The following DPP10 variants were observed in gnomAD, a reference collection of about 807,000 sequenced individuals.
DPP10 encodes inactive dipeptidyl peptidase 10.
A neutral mutation model predicts 120.9 loss-of-function variants in DPP10; 33 were observed. The ratio of observed to expected loss-of-function variants is 0.27; its 90% CI spans 0.21 to 0.37. DPP10 has a LOEUF of 0.37. Ranked by LOEUF, DPP10 falls within the 10% of genes least tolerant of loss-of-function variation. DPP10 has a pLI of 1.00. For synonymous variants in DPP10, 337 were observed against 326.1 expected (o/e 1.03, Z -0.36); for missense variants, 816 against 942.8 (o/e 0.87, Z 1.76).
chr2:114,730,818 G>A (rs889886420), intron 1 of DPP10, among the ~76,000 whole-genome samples: 1 of 151,876 alleles, frequency 6.6e-6, no homozygotes, highest in African/African-American at 2.4e-5. Context: ...TTGAGCTCCT[G>A]ATCTCAGGCA....
chr2:115,438,412 T>G (rs2071700939), intron 3 of DPP10, among the ~76,000 whole-genome samples: 1 of 152,110 alleles, frequency 6.6e-6, no homozygotes, highest in Admixed American at 6.6e-5. Context: ...AAACAAAGAC[T>G]TGTACATATA....
intron 1 of DPP10, among the ~76,000 whole-genome samples, chr2:114,604,305 T>C (rs1167689719): frequency 6.6e-6 from 1 of 152,090 alleles, no homozygotes; most frequent in Non-Finnish European, 1.5e-5. Flanking sequence ...GGACCAACTT[T>C]GCAAGCAGAC....
chr2:115,668,264 AGT>A (rs5833618), intron 5 of DPP10, among the ~76,000 whole-genome samples: 25,136 of 151,896 alleles, frequency 0.17, 3,059 homozygotes, highest in African/African-American at 0.35. Flanking sequence ...CCATTTTAAC[AGT>A]GTGGAGAAGT....
chr2:115,616,592 T>G (rs1261776325), intron 5 of DPP10, among the ~76,000 whole-genome samples: 2 of 152,100 alleles, frequency 1.3e-5, no homozygotes, highest in African/African-American at 4.8e-5. Flanking sequence ...AAAAATTAAT[T>G]TTCAGTCTTT....
chr2:115,025,463 G>A (rs1054789908), intron 1 of DPP10, among the ~76,000 whole-genome samples: 5 of 151,962 alleles, frequency 3.3e-5, no homozygotes, highest in African/African-American at 9.7e-5. Context: ...TTCAAAATAC[G>A]TGACTACAGG....
intron 21 of DPP10, among the ~76,000 whole-genome samples, chr2:115,818,621 G>C (rs1442225918): frequency 3.3e-5 from 5 of 152,160 alleles, no homozygotes; most frequent in Non-Finnish European, 5.9e-5. Flanking sequence ...AGCATGTGTG[G>C]AGAACATGAA....
chr2:114,621,149 C>A (rs1214350891), intron 1 of DPP10, among the ~76,000 whole-genome samples: 3 of 152,076 alleles, frequency 2.0e-5, no homozygotes, highest in Admixed American at 6.6e-5. Context: ...GAAAATGAAA[C>A]AAGAATCAGC....
At chr2:115,379,037 G>A (rs961638675) in intron 3 of DPP10, among the ~76,000 whole-genome samples, 7 of 152,152 alleles carry the variant, frequency 4.6e-5, no homozygotes, top group African/African-American at 1.7e-4. Context: ...TCTCTGCCCG[G>A]CTTTGGTATC....
At chr2:115,824,514 C>T (rs1005994455) in intron 21 of DPP10, among the ~76,000 whole-genome samples, 6 of 151,994 alleles carry the variant, frequency 3.9e-5, no homozygotes, top group Admixed American at 2.0e-4. Context: ...ATTTTCCCCT[C>T]CCTGTGTCCA....
At chr2:115,277,591 A>C (rs563398995) in intron 1 of DPP10, among the ~76,000 whole-genome samples, 226 of 151,566 alleles carry the variant, frequency 1.5e-3, no homozygotes, top group Middle Eastern at 0.014. Context: ...CCTTGAATAC[A>C]TATGAAAGAA....
At position 114,513,934 on chromosome 2, in the gene DPP10, T is replaced by C. The variant is rs551244931; in HGVS notation, c.60+71096T>C. On this transcript the variant is annotated intron_variant, in intron 1 of 25. Coordinates refer to ENST00000410059, the MANE Select transcript of DPP10 (RefSeq NM_020868.6). The stretch of plus-strand genomic sequence containing the variant: ...AGCATAATTATTCCCCCCATTTATA[T>C]TTCAGTTAAGTAAAATTGACTCTAA... Among the ~76,000 whole-genome samples, 4 of 152,312 alleles carry C rather than the reference T, an allele frequency of 2.6e-5. No homozygotes were observed. The East Asian group carries it at 7.7e-4, about 29-fold the overall frequency.
chr2:115,614,143 T>G (rs982675392), intron 5 of DPP10, among the ~76,000 whole-genome samples: 1 of 152,222 alleles, frequency 6.6e-6, no homozygotes, highest in Non-Finnish European at 1.5e-5. Flanking sequence ...CCAAAGTGTC[T>G]ACCATAATCA....
intron 11 of DPP10, among the ~76,000 whole-genome samples, chr2:115,755,418 G>A (rs1015051193): frequency 6.6e-6 from 1 of 152,010 alleles, no homozygotes; most frequent in Non-Finnish European, 1.5e-5. Context: ...ATTAGGGAAA[G>A]GACAGCCTCT....
intron 4 of DPP10, among the ~76,000 whole-genome samples, chr2:115,503,169 A>G (rs1868327): frequency 0.21 from 32,250 of 152,042 alleles, 3,933 homozygotes; most frequent in East Asian, 0.39. Flanking sequence ...GATTCCAAGC[A>G]AAATGTTAGT....
intron 3 of DPP10, among the ~76,000 whole-genome samples, chr2:115,443,372 A>G (rs903444122): frequency 2.6e-5 from 4 of 152,172 alleles, no homozygotes; most frequent in Admixed American, 1.3e-4. Flanking sequence ...GAGATAAACA[A>G]CTCATGGACT....
chr2:115,028,174 C>T (rs1703601676), intron 1 of DPP10, among the ~76,000 whole-genome samples: 1 of 151,876 alleles, frequency 6.6e-6, no homozygotes, highest in African/African-American at 2.4e-5. Flanking sequence ...TTGTCAGTTC[C>T]TTAAGAGCCA....
intron 7 of DPP10, among the ~76,000 whole-genome samples, chr2:115,712,692 A>G (rs2092370141): frequency 6.7e-6 from 1 of 150,368 alleles, no homozygotes; most frequent in South Asian, 2.1e-4. Context: ...GACAAGAGAC[A>G]AAACCAAAGT....
intron 1 of DPP10, among the ~76,000 whole-genome samples, chr2:114,840,515 C>A (rs1688073773): frequency 6.6e-6 from 1 of 152,094 alleles, no homozygotes; most frequent in Non-Finnish European, 1.5e-5. Context: ...AAAATATAAT[C>A]AAAACCCCCC....
chr2:115,324,168 C>T (rs540007961), intron 2 of DPP10, among the ~76,000 whole-genome samples: 32 of 152,078 alleles, frequency 2.1e-4, no homozygotes, highest in African/African-American at 7.0e-4. Context: ...CCCAGCTACT[C>T]GGGAGGCTGA....
Sources: gnomAD v4.1 joint callset for allele counts (sites outside exome capture counted in the v4.1 genomes callset) on GRCh38, gnomAD v4.1.1 for gene constraint, MANE v1.5 for transcripts, NCBI Gene and HGNC (gene_info 2026-07-23, HGNC 2026-07-21) for gene names.